Variants in GNAL observed in about 807,000 individuals in gnomAD.
GNAL encodes guanine nucleotide-binding protein G(olf) subunit alpha.
GNAL carries 18 observed loss-of-function variants against 55.1 expected under a neutral mutation model. That is an observed-to-expected ratio of 0.33 (90% CI 0.23 to 0.48). The LOEUF is 0.48. Ranked by LOEUF, GNAL falls within the 20% of genes least tolerant of loss-of-function variation. The probability of loss-of-function intolerance (pLI) is 0.99; values close to 1 mark genes in which losing one functional copy is unlikely to be tolerated. For synonymous variants in GNAL, 253 were observed against 237.0 expected (o/e 1.07, Z -0.62); for missense variants, 412 against 614.1 (o/e 0.67, Z 3.48).
chr18:11,705,116 C>T (rs776779783), intron 1 of GNAL, among the ~76,000 whole-genome samples: 2 of 152,276 alleles, frequency 1.3e-5, no homozygotes, highest in South Asian at 4.1e-4. Flanking sequence ...CTCTCCACTT[C>T]CCTCTCCCCC....
intron 1 of GNAL, among the ~76,000 whole-genome samples, chr18:11,733,391 G>A (rs2032386167): frequency 1.3e-5 from 2 of 152,252 alleles, no homozygotes; most frequent in Admixed American, 6.5e-5. Flanking sequence ...ACTGGGGAGT[G>A]AGGCCAGTGA....
intron 4 of GNAL, among the ~76,000 whole-genome samples, chr18:11,794,843 T>G (rs1310020339): frequency 3.3e-5 from 5 of 151,286 alleles, no homozygotes; most frequent in Non-Finnish European, 5.9e-5. Context: ...TTTGTTTGTT[T>G]GTTTGTTTGT....
At chr18:11,807,158 C>CAA (rs937595681) in intron 4 of GNAL, among the ~76,000 whole-genome samples, 1 of 136,428 alleles carries the variant, frequency 7.3e-6, no homozygotes, top group Non-Finnish European at 1.6e-5. Context: ...GACTCTGTCT[C>CAA]AAAAAAAAAA....
In GNAL at chr18:11,730,315, C is replaced by A. The variant is rs113613071; in HGVS notation, c.377-22538C>A. Among the ~76,000 whole-genome samples, 1,119 of 152,010 alleles carry A rather than the reference C, an allele frequency of 7.4e-3. 14 individuals are homozygous for A. The highest frequency in any genetic ancestry group is 0.025 in the African/African-American group (1,058 of 41,514). ...GCTGGGATTACAGGTGCCGGCACCA[C>A]GCCCAGCTAATTTTTGTAGTTTTAG... On this transcript the variant is annotated intron_variant, in intron 1 of 11. Transcript: ENST00000334049.
Position 11,884,533 on chromosome 18 carries a change from A to G in GNAL, c.*3398A>G. 1 of 1,614,102 alleles carries G rather than the reference A, an allele frequency of 6.2e-7. No homozygotes were observed. Among genetic ancestry groups the G allele is most frequent in the Non-Finnish European group, 8.5e-7 (1 of 1,180,008 alleles). ...AAAGTGAGTGAGTGTGAGGACCACA[A>G]GGAAGCCCACCACTCCACAGTAGAT... On this transcript the variant is annotated 3_prime_UTR_variant, in exon 12 of 12. Coordinates refer to ENST00000334049, the MANE Select transcript of GNAL (RefSeq NM_182978.4).
At chr18:11,875,642 T>A (rs1414974239) in intron 10 of GNAL, among the ~76,000 whole-genome samples, 1 of 152,166 alleles carries the variant, frequency 6.6e-6, no homozygotes, top group Non-Finnish European at 1.5e-5. Flanking sequence ...TCTTCTGCCA[T>A]GATTGGAAGC....
intron 5 of GNAL, among the ~76,000 whole-genome samples, chr18:11,855,239 C>G (rs2035978395): frequency 6.6e-6 from 1 of 152,118 alleles, no homozygotes; most frequent in Admixed American, 6.5e-5. Flanking sequence ...CGCGCCCGGT[C>G]CCCTGGCTTC....
intron 10 of GNAL, among the ~76,000 whole-genome samples, chr18:11,875,607 C>T (rs1479623666): frequency 2.6e-5 from 4 of 152,194 alleles, no homozygotes; most frequent in Admixed American, 6.5e-5. Flanking sequence ...GCCCTGGCCA[C>T]GTGAGATGTC....
intron 7 of GNAL, among the ~76,000 whole-genome samples, chr18:11,864,861 A>T (rs966805714): frequency 6.6e-6 from 1 of 152,052 alleles, no homozygotes; most frequent in Non-Finnish European, 1.5e-5. Context: ...CCTTTTTTTT[A>T]GATCAGGAGA....
chr18:11,689,316 G>A lies in GNAL; in HGVS notation c.-248G>A. 3.1e-6 allele frequency: 1 copy of A among 319,030 alleles called. No homozygotes were observed. The highest frequency in any genetic ancestry group is 5.7e-6 in the Non-Finnish European group (1 of 174,926). The allele number at this position is 319,030 out of a possible 1,614,324, so 19.8% of individuals were successfully genotyped here. On this transcript the variant is annotated 5_prime_UTR_variant, in exon 1 of 12. Coordinates refer to ENST00000334049, the MANE Select transcript of GNAL (RefSeq NM_182978.4). ...CAAGTGATCTCCAGCCAAGGCGGCC[G>A]CCACCCCTTGCACACAGCAGAAAAT...
intron 5 of GNAL, among the ~76,000 whole-genome samples, chr18:11,842,620 A>G (rs1348701366): frequency 1.3e-5 from 2 of 152,036 alleles, no homozygotes; most frequent in Non-Finnish European, 2.9e-5. Flanking sequence ...CCTCACATGC[A>G]AAGTTTACAA....
intron 5 of GNAL, among the ~76,000 whole-genome samples, chr18:11,828,927 C>T (rs1345851546): frequency 6.6e-6 from 1 of 152,116 alleles, no homozygotes; most frequent in Non-Finnish European, 1.5e-5. Context: ...CAAAATAGTG[C>T]CTGGCACTTA....
intron 5 of GNAL, chr18:11,851,300 T>A (rs1175071023): frequency 1.8e-6 from 1 of 551,194 alleles, no homozygotes; most frequent in Non-Finnish European, 3.1e-6. Flanking sequence ...GCCCCTGGCG[T>A]CTTACGTCCC....
At chr18:11,826,833 G>A (rs143007801) in intron 5 of GNAL, among the ~76,000 whole-genome samples, 2 of 152,334 alleles carry the variant, frequency 1.3e-5, no homozygotes, top group East Asian at 3.9e-4. Flanking sequence ...TGTTGTCAGA[G>A]CCTGGAGCTC....
Position 11,847,398 on chromosome 18 carries a change from C to CT in GNAL, c.723-14983dup, listed in dbSNP as rs767585830. ...AGTTATTTTTCACATCTTTTATTTT[C>CT]TTTTTTTTTTTTTTGAGTGACTTCA... On this transcript the variant is annotated intron_variant, in intron 5 of 11. Transcript: ENST00000334049. 4.7e-3 allele frequency among the ~76,000 whole-genome samples: 666 copies of CT among 142,342 alleles called. 4 individuals carry two copies. The highest frequency in any genetic ancestry group is 0.025 in the East Asian group (122 of 4,888). 93.4% of individuals were successfully genotyped at this position (142,342 alleles called of 152,430 possible). A position where few individuals can be genotyped will look rare whatever the true frequency, so the allele number is the denominator to read the frequency against.
chr18:11,832,128 A>G (rs1434451044), intron 5 of GNAL, among the ~76,000 whole-genome samples: 2 of 152,108 alleles, frequency 1.3e-5, no homozygotes, highest in Non-Finnish European at 2.9e-5. Context: ...GTAACCATGG[A>G]AACGGTTATT....
chr18:11,743,314 CA>C (rs527239039), intron 1 of GNAL, among the ~76,000 whole-genome samples: 7,616 of 116,304 alleles, frequency 0.065, 213 homozygotes, highest in Non-Finnish European at 0.08. Flanking sequence ...CTCACTAATA[CA>C]AAAAAAAAAA....
At chr18:11,733,624 C>T (rs1421601955) in intron 1 of GNAL, among the ~76,000 whole-genome samples, 1 of 152,166 alleles carries the variant, frequency 6.6e-6, no homozygotes, top group East Asian at 1.9e-4. Flanking sequence ...ATCATGTCTT[C>T]TTGAGGGTAA....
At chr18:11,880,383 A>C (rs904815309) in intron 11 of GNAL, among the ~76,000 whole-genome samples, 3 of 152,016 alleles carry the variant, frequency 2.0e-5, no homozygotes, top group Non-Finnish European at 4.4e-5. Flanking sequence ...AGCCTGGCCA[A>C]CATGGTGACA....
Sources: allele counts gnomAD v4.1 joint callset (sites outside exome capture counted in the v4.1 genomes callset), GRCh38; gene constraint gnomAD v4.1.1; transcripts MANE v1.5; gene names NCBI Gene and HGNC (gene_info 2026-07-23, HGNC 2026-07-21).